Variants in INPP5D observed in about 807,000 individuals in gnomAD.
INPP5D encodes inositol polyphosphate-5-phosphatase D.
In INPP5D, 33 loss-of-function variants were observed where a neutral mutation model predicts 122.9. The ratio of observed to expected loss-of-function variants is 0.27; its 90% confidence interval spans 0.20 to 0.36. INPP5D has a LOEUF of 0.36. Among genes scored for constraint, INPP5D ranks in the 10% least tolerant of loss-of-function variants. INPP5D has a pLI of 1.00. For missense variants in INPP5D, 1,053 were observed against 1,412.7 expected, an observed-to-expected ratio of 0.75 and a Z score of 4.08; for synonymous variants, 584 against 576.2, an observed-to-expected ratio of 1.01 and a Z score of -0.19.
chr2:233,066,578 A>G (rs1691233484), intron 1 of INPP5D, among the ~76,000 whole-genome samples: 1 of 152,108 alleles, frequency 6.6e-6, no homozygotes, highest in Non-Finnish European at 1.5e-5. Flanking sequence ...TTCATATTCC[A>G]TACAGTCACC....
chr2:233,108,635 G>A (rs1692528183), intron 2 of INPP5D, among the ~76,000 whole-genome samples: 1 of 152,170 alleles, frequency 6.6e-6, no homozygotes, highest in South Asian at 2.1e-4. Flanking sequence ...CCATCTTTGT[G>A]AGATGTGCCA....
chr2:233,205,679 T>A (rs943443314), intron 26 of INPP5D: 1 of 152,152 alleles, frequency 6.6e-6, no homozygotes, highest in Non-Finnish European at 1.5e-5. Context: ...TATTATTAAG[T>A]CGCATTCATA....
At chr2:233,190,564 C>A (rs1049152742) in intron 22 of INPP5D, among the ~76,000 whole-genome samples, 12 of 3,928 alleles carry the variant, frequency 3.1e-3, no homozygotes, top group Admixed American at 9.9e-3. Context: ...GTGCTGGAAA[C>A]ACAGCTCAGG....
At chr2:233,194,060 C>T (rs770412238) in intron 23 of INPP5D, 99 bp downstream of exon 23, 58 of 1,425,658 alleles carry the variant, frequency 4.1e-5, no homozygotes, top group South Asian at 6.0e-5. Context: ...CTCTCTGCTG[C>T]GGCCTCAGAG....
chr2:233,179,827 C>G (rs1694738691), intron 18 of INPP5D, among the ~76,000 whole-genome samples: 1 of 152,228 alleles, frequency 6.6e-6, no homozygotes, highest in South Asian at 2.1e-4. Context: ...TCAGTCTTCT[C>G]ATGACAATTA....
intron 25 of INPP5D, among the ~76,000 whole-genome samples, 193 bp from the exon 26 acceptor site, chr2:233,203,933 C>G (rs1444330456): frequency 1.3e-5 from 2 of 152,068 alleles, no homozygotes. Context: ...GGTGACAGAG[C>G]GAGACTCTGT....
intron 5 of INPP5D, among the ~76,000 whole-genome samples, chr2:233,139,505 T>TGTGTGTGTGTGTGTGTG (rs1574759280): frequency 2.8e-5 from 4 of 145,232 alleles, no homozygotes; most frequent in African/African-American, 1.0e-4. Context: ...TGTGTGTGTG[T>TGTGTGTGTGTGTGTGTG]TTTATAAACA....
In INPP5D at chr2:233,197,101, T is replaced by C. The variant is rs888044311; in HGVS notation, c.2694-994T>C. Among the ~76,000 whole-genome samples the C allele has an allele frequency of 6.6e-6, 1 of 152,156 alleles. No individual in the cohort carries two copies. Among genetic ancestry groups the C allele is most frequent in the African/African-American group, 2.4e-5 (1 of 41,436 alleles). On this transcript the variant is annotated intron_variant, in intron 24 of 26. Transcript: ENST00000445964. The surrounding 1 kb of genome is among the most constrained non-coding windows in gnomAD (Gnocchi z 4.4). Reference sequence around the variant, plus strand: ...CATTTATTTCTGAAGCAGGCAGTGGTGGATGGGAACAAGGTACAGCTCGGA... The same window carrying C: ...CATTTATTTCTGAAGCAGGCAGTGGCGGATGGGAACAAGGTACAGCTCGGA...
chr2:233,173,586 T>C (rs1470052718), intron 17 of INPP5D, among the ~76,000 whole-genome samples: 1 of 152,196 alleles, frequency 6.6e-6, no homozygotes, highest in Non-Finnish European at 1.5e-5. Flanking sequence ...ATAAGCTTTT[T>C]TTCAAGTTTT....
intron 2 of INPP5D, among the ~76,000 whole-genome samples, chr2:233,103,656 G>A (rs1381682189): frequency 1.3e-5 from 2 of 152,022 alleles, no homozygotes; most frequent in African/African-American, 2.4e-5. Context: ...TGCCTGCCGA[G>A]GGGGTGATCT....
chr2:233,064,538 T>G (rs1305915037), intron 1 of INPP5D, among the ~76,000 whole-genome samples: 1 of 152,264 alleles, frequency 6.6e-6, no homozygotes, highest in South Asian at 2.1e-4. Flanking sequence ...TTATATTGAC[T>G]CATTTGATGT....
At chr2:233,107,170 A>C (rs1295445419) in intron 2 of INPP5D, among the ~76,000 whole-genome samples, 3 of 152,188 alleles carry the variant, frequency 2.0e-5, no homozygotes, top group African/African-American at 7.2e-5. Flanking sequence ...GGGTTTCCCC[A>C]GCAGAGGGTG....
At chr2:233,172,128 C>T (rs375855775) in intron 17 of INPP5D, among the ~76,000 whole-genome samples, 2 of 152,352 alleles carry the variant, frequency 1.3e-5, no homozygotes, top group East Asian at 1.9e-4. Context: ...GGATGGGACA[C>T]CCCATTCCGC....
intron 20 of INPP5D, 39 bp downstream of exon 20, chr2:233,184,560 C>G (rs768486280): frequency 3.1e-5 from 50 of 1,610,188 alleles, no homozygotes; most frequent in South Asian, 1.3e-4. Context: ...CAGAACTGCC[C>G]GGAGCCTTCT....
intron 24 of INPP5D, among the ~76,000 whole-genome samples, chr2:233,196,340 C>T (rs115107758): frequency 6.5e-4 from 99 of 152,342 alleles, no homozygotes; most frequent in Middle Eastern, 3.4e-3. Flanking sequence ...TTCAGTTTGA[C>T]TCAGCTAACA....
At chr2:233,144,669 G>GGTGATGGTGAGGGTGGAGATGGTGGTA (rs1693709911) in intron 6 of INPP5D, among the ~76,000 whole-genome samples, 4 of 67,508 alleles carry the variant, frequency 5.9e-5, no homozygotes, top group Non-Finnish European at 1.9e-4. Context: ...AGATGGTGGT[G>GGTGATGGTGAGGGTGGAGATGGTGGTA]GTGATGGTGA....
chr2:233,089,452 C>T (rs555754023), intron 2 of INPP5D, among the ~76,000 whole-genome samples: 1 of 152,206 alleles, frequency 6.6e-6, no homozygotes, highest in African/African-American at 2.4e-5. Flanking sequence ...CATGCTGTGG[C>T]TCTGTGCCCT....
At position 233,188,412 on chromosome 2, in the gene INPP5D, C is replaced by G. The variant is rs1694971718; in HGVS notation, c.2359-1438C>G. ...CATTTCCACTCCATCCCAGGGAGGA[C>G]CGGGTCTTCCTCCAGCATCCAAGAA... On this transcript the variant is annotated intron_variant, in intron 21 of 26. Transcript: ENST00000445964. This position sits in a 1 kb window ranked among gnomAD's most constrained non-coding sequence, Gnocchi z 4.7. 6.6e-6 allele frequency among the ~76,000 whole-genome samples: 1 copy of G among 152,170 alleles called. No homozygotes were observed. The highest frequency in any genetic ancestry group is 6.5e-5 in the Admixed American group (1 of 15,278).
At chr2:233,199,805 G>GGC (rs963893590) in intron 25 of INPP5D, among the ~76,000 whole-genome samples, 11 of 152,102 alleles carry the variant, frequency 7.2e-5, no homozygotes, top group African/African-American at 2.7e-4. Flanking sequence ...CTCCAGCCTG[G>GGC]GCGACAAAGC....
Sources: allele counts gnomAD v4.1 joint callset (sites outside exome capture counted in the v4.1 genomes callset), GRCh38; gene constraint gnomAD v4.1.1; non-coding constraint Gnocchi (gnomAD v3.1); transcripts MANE v1.5; gene names NCBI Gene and HGNC (gene_info 2026-07-23, HGNC 2026-07-21).